SH3GL2: variants seen among roughly 807,000 people sequenced by gnomAD.
SH3GL2 encodes SH3 domain containing GRB2 like 2, endophilin A1.
SH3GL2 carries 24 observed loss-of-function variants against 46.0 expected under a neutral mutation model. The ratio of observed to expected loss-of-function variants is 0.52; its 90% confidence interval spans 0.38 to 0.73. The LOEUF is 0.73. Ranked by LOEUF, SH3GL2 falls within the 30% of genes least tolerant of loss-of-function variation. The pLI, the probability that SH3GL2 is intolerant of heterozygous loss-of-function variation, is 0.00. For synonymous variants in SH3GL2, 196 were observed against 147.1 expected (o/e 1.33, Z -2.40); for missense variants, 413 against 424.2 (o/e 0.97, Z 0.23).
chr9:17,661,117 G>C (rs1820201087), intron 1 of SH3GL2, among the ~76,000 whole-genome samples: 1 of 152,132 alleles, frequency 6.6e-6, no homozygotes, highest in Non-Finnish European at 1.5e-5. Flanking sequence ...AGCCGAGATT[G>C]TACCACTGCA....
intron 1 of SH3GL2, among the ~76,000 whole-genome samples, chr9:17,692,643 CA>C (rs35932722): frequency 5.4e-5 from 8 of 147,958 alleles, no homozygotes; most frequent in South Asian, 2.1e-4. Context: ...GACTCCATCT[CA>C]AAAAAAAAAA....
At chr9:17,632,438 A>G (rs1205607494) in intron 1 of SH3GL2, among the ~76,000 whole-genome samples, 2 of 152,268 alleles carry the variant, frequency 1.3e-5, no homozygotes, top group East Asian at 1.9e-4. Flanking sequence ...TCATTTTCCC[A>G]TATACTATAC....
At chr9:17,759,493 A>G (rs1211560657) in intron 2 of SH3GL2, among the ~76,000 whole-genome samples, 3 of 152,164 alleles carry the variant, frequency 2.0e-5, no homozygotes, top group African/African-American at 7.2e-5. Context: ...TTCAAGAAGT[A>G]TAGGATGGTC....
chr9:17,690,939 C>T (rs896618568), intron 1 of SH3GL2, among the ~76,000 whole-genome samples: 1 of 152,146 alleles, frequency 6.6e-6, no homozygotes, highest in African/African-American at 2.4e-5. Context: ...TGGAAGTAAA[C>T]AGACTTCTGC....
chr9:17,688,665 C>G (rs1398861838), intron 1 of SH3GL2, among the ~76,000 whole-genome samples: 3 of 151,926 alleles, frequency 2.0e-5, no homozygotes, highest in South Asian at 4.2e-4. Context: ...AATAAAAACT[C>G]CAGAGAACAT....
chr9:17,601,594 A>T (rs183666527), intron 1 of SH3GL2, among the ~76,000 whole-genome samples: 55 of 152,316 alleles, frequency 3.6e-4, no homozygotes, highest in Non-Finnish European at 7.3e-4. Flanking sequence ...TTCCCATGTA[A>T]GCTTCAGAAA....
rs911882517 is a variant in SH3GL2 at position 17,795,836 on chromosome 9, A to C, written c.*93A>C. The C allele has an allele frequency of 2.9e-6, 3 of 1,020,854 alleles. No homozygotes were observed. The highest frequency in any genetic ancestry group is 4.4e-6 in the Non-Finnish European group (3 of 682,620). 63.2% of individuals were successfully genotyped at this position (1,020,854 alleles called of 1,614,324 possible). A position where few individuals can be genotyped will look rare whatever the true frequency, so the allele number is the denominator to read the frequency against. ...GCTGCTTATAACACATCCCAAGTGC[A>C]GGCCGCAGTGGTCCACGTCATCCAG... On this transcript the variant is annotated 3_prime_UTR_variant, in exon 9 of 9. Transcript: ENST00000380607.
chr9:17,758,097 C>A (rs1823051861), intron 2 of SH3GL2, among the ~76,000 whole-genome samples: 1 of 152,142 alleles, frequency 6.6e-6, no homozygotes, highest in East Asian at 1.9e-4. Context: ...TAAAGAAAGC[C>A]TCTGATTAAT....
At chr9:17,788,554 T>C (rs1588338050) in intron 5 of SH3GL2, among the ~76,000 whole-genome samples, 2 of 152,172 alleles carry the variant, frequency 1.3e-5, no homozygotes, top group South Asian at 4.2e-4. Flanking sequence ...AAAGACTAGC[T>C]ATCGGGGAAA....
At chr9:17,611,895 C>G (rs577054422) in intron 1 of SH3GL2, among the ~76,000 whole-genome samples, 1 of 151,452 alleles carries the variant, frequency 6.6e-6, no homozygotes, top group Non-Finnish European at 1.5e-5. Context: ...ACTTGCCTAT[C>G]TCAACACTCT....
At chr9:17,605,719 A>G (rs1401053729) in intron 1 of SH3GL2, among the ~76,000 whole-genome samples, 1 of 152,258 alleles carries the variant, frequency 6.6e-6, no homozygotes, top group African/African-American at 2.4e-5. Context: ...TGTGAAAAAT[A>G]CATAATAAAC....
chr9:17,735,010 C>G (rs1392235314), intron 1 of SH3GL2, among the ~76,000 whole-genome samples: 2 of 152,086 alleles, frequency 1.3e-5, no homozygotes, highest in Non-Finnish European at 1.5e-5. Context: ...CATTCCAGAA[C>G]TAAAGGACAA....
intron 3 of SH3GL2, among the ~76,000 whole-genome samples, chr9:17,775,945 A>G (rs1448400168): frequency 6.6e-6 from 1 of 152,130 alleles, no homozygotes; most frequent in Non-Finnish European, 1.5e-5. Flanking sequence ...TTTATGTGAA[A>G]TTTCACAGTG....
intron 1 of SH3GL2, among the ~76,000 whole-genome samples, chr9:17,680,054 C>A (rs1344085299): frequency 1.3e-5 from 2 of 152,104 alleles, no homozygotes; most frequent in South Asian, 2.1e-4. Flanking sequence ...AGGATTTTTG[C>A]ATCGATGTTC....
chr9:17,778,762 T>G (rs60376810), intron 3 of SH3GL2, among the ~76,000 whole-genome samples: 17,578 of 152,054 alleles, frequency 0.12, 1,113 homozygotes, highest in Admixed American at 0.15. Context: ...CCTAGATGTG[T>G]TTTGAATGTA....
intron 1 of SH3GL2, among the ~76,000 whole-genome samples, chr9:17,631,476 C>G (rs1397549069): frequency 6.6e-6 from 1 of 152,152 alleles, no homozygotes; most frequent in Non-Finnish European, 1.5e-5. Context: ...GTAAACCCAC[C>G]AAACAAGATT....
intron 8 of SH3GL2, 50 bp downstream of exon 8, chr9:17,793,547 T>G: frequency 6.3e-7 from 1 of 1,581,018 alleles, no homozygotes; most frequent in Non-Finnish European, 8.6e-7. Context: ...GCATATCCAT[T>G]GGCACTCTTC....
chr9:17,676,226 C>G (rs1426074210), intron 1 of SH3GL2, among the ~76,000 whole-genome samples: 2 of 152,168 alleles, frequency 1.3e-5, no homozygotes, highest in African/African-American at 4.8e-5. Flanking sequence ...TCTTCCTTTT[C>G]TTTTTTCCTT....
chr9:17,743,302 A>G (rs1249290389), intron 1 of SH3GL2, among the ~76,000 whole-genome samples: 1 of 152,150 alleles, frequency 6.6e-6, no homozygotes, highest in African/African-American at 2.4e-5. Flanking sequence ...AGAGAACAAT[A>G]TAGATGTTAT....
Sources: gnomAD v4.1 joint callset for allele counts (sites outside exome capture counted in the v4.1 genomes callset) on GRCh38, gnomAD v4.1.1 for gene constraint, MANE v1.5 for transcripts, NCBI Gene and HGNC (gene_info 2026-07-23, HGNC 2026-07-21) for gene names.